GSE1: variants seen among roughly 807,000 people sequenced by gnomAD.
GSE1 encodes genetic suppressor element 1.
A neutral mutation model predicts 112.6 loss-of-function variants in GSE1; 32 were observed. The ratio of observed to expected loss-of-function variants is 0.28; its 90% CI spans 0.21 to 0.38. The LOEUF (loss-of-function observed/expected upper bound fraction) is 0.38, where lower values mean the gene tolerates loss of function less well. Ranked by LOEUF, GSE1 falls within the 10% of genes least tolerant of loss-of-function variation. GSE1 has a pLI of 1.00. For missense variants in GSE1, 2,348 were observed against 1,699.2 expected (o/e 1.38, Z -6.71); for synonymous variants, 1,115 against 735.6 (o/e 1.52, Z -8.35).
At chr16:85,397,184 C>G (rs1406661662) in intron 2 of GSE1, among the ~76,000 whole-genome samples, 1 of 152,334 alleles carries the variant, frequency 6.6e-6, no homozygotes, top group Non-Finnish European at 1.5e-5. Flanking sequence ...GGCAGGGGCT[C>G]AGATGCCTCC....
At chr16:85,657,632 G>C in intron 8 of GSE1, 28 bp downstream of exon 8, 18 of 1,442,850 alleles carry the variant, frequency 1.2e-5, no homozygotes, top group Non-Finnish European at 1.6e-5. Flanking sequence ...AGGAAGGAGG[G>C]ATGAGCCTTC....
intron 1 of GSE1, among the ~76,000 whole-genome samples, chr16:85,305,366 C>T (rs1363937810): frequency 6.6e-6 from 1 of 152,214 alleles, no homozygotes; most frequent in Non-Finnish European, 1.5e-5. Flanking sequence ...CTCCCTGCAG[C>T]CTCGAACTCC....
intron 1 of GSE1, among the ~76,000 whole-genome samples, chr16:85,251,521 C>T (rs914506144): frequency 6.6e-6 from 1 of 152,278 alleles, no homozygotes; most frequent in South Asian, 2.1e-4. Flanking sequence ...GGCCGGGGCT[C>T]GAACCCTGCT....
intron 2 of GSE1, among the ~76,000 whole-genome samples, chr16:85,533,853 A>T (rs1233283712): frequency 6.6e-6 from 1 of 152,152 alleles, no homozygotes; most frequent in Admixed American, 6.5e-5. Context: ...CAACAGAGGG[A>T]GACCCTGTCT....
rs560509911 is a variant in GSE1 at position 85,655,785 on chromosome 16, C to T, written c.857C>T (p.Pro286Leu). 1.2e-6 allele frequency: 2 copies of T among 1,610,308 alleles called. No homozygotes were observed. Among genetic ancestry groups the T allele is most frequent in the Non-Finnish European group, 8.5e-7 (1 of 1,178,100 alleles). Residue 286 changes from proline (P) to leucine (L), a missense_variant, in exon 6 of 16, where the codon CCC (proline) becomes CTC (leucine). Pro to Leu is a moderately conservative substitution (Grantham distance 98, BLOSUM62 -3). Transcript: ENST00000253458. ...LRSPFYPIPT[P>L]GSLPPLHPSA... ...TCCCCGTTCTACCCCATCCCCACCCCCGGCTCCCTGCCCCCACTGCACCCA... is the reference window on the plus strand; with the variant it reads ...TCCCCGTTCTACCCCATCCCCACCCTCGGCTCCCTGCCCCCACTGCACCCA...
At chr16:85,511,989 T>C (rs2051762345) in intron 2 of GSE1, among the ~76,000 whole-genome samples, 1 of 152,220 alleles carries the variant, frequency 6.6e-6, no homozygotes. Flanking sequence ...CCTCTCCCAC[T>C]GCTCTGTAGT....
chr16:85,637,737 C>T (rs1431585197), intron 2 of GSE1, among the ~76,000 whole-genome samples: 3 of 151,130 alleles, frequency 2.0e-5, no homozygotes, highest in East Asian at 1.9e-4. Flanking sequence ...CAGGTGTAGC[C>T]TCCTCCCTGC....
intron 2 of GSE1, among the ~76,000 whole-genome samples, chr16:85,488,493 C>T (rs138180086): frequency 6.6e-6 from 1 of 152,140 alleles, no homozygotes; most frequent in East Asian, 1.9e-4. Flanking sequence ...GCTTATTCCT[C>T]TCTCAGCAGG....
intron 1 of GSE1, among the ~76,000 whole-genome samples, chr16:85,567,503 C>T (rs2045809410): frequency 6.6e-6 from 1 of 152,180 alleles, no homozygotes; most frequent in Non-Finnish European, 1.5e-5. Context: ...CCGGGGCTCT[C>T]AACGCTGGGA....
In GSE1 at chr16:85,661,278, G is replaced by A. The variant is rs1043183415; in HGVS notation, c.1773G>A (p.Met591Ile). The change falls in exon 9 of 16, where the codon ATG becomes ATA. Residue 591 changes from methionine to isoleucine, a missense_variant. Transcript: ENST00000253458. Reference sequence around the variant, plus strand: ...CCCTCTGGAACCCCGTGTCCCTGATGGACAACACCTTGGAGACGCGGCGGG... The same window carrying A: ...CCCTCTGGAACCCCGTGTCCCTGATAGACAACACCTTGGAGACGCGGCGGG... ...PTALWNPVSL[M>I]DNTLETRRAE... 6.2e-7 allele frequency: 1 copy of A among 1,612,844 alleles called. No individual in the cohort carries two copies. Among genetic ancestry groups the A allele is most frequent in the Non-Finnish European group, 8.5e-7 (1 of 1,180,000 alleles).
chr16:85,553,684 G>C (rs1472959432), upstream of GSE1, among the ~76,000 whole-genome samples: 1 of 152,112 alleles, frequency 6.6e-6, no homozygotes, highest in Non-Finnish European at 1.5e-5. Flanking sequence ...CCCTCCCTTG[G>C]CTCCGAGCGC....
At chr16:85,581,162 C>T (rs1276920179) in intron 1 of GSE1, among the ~76,000 whole-genome samples, 1 of 152,162 alleles carries the variant, frequency 6.6e-6, no homozygotes, top group Non-Finnish European at 1.5e-5. Context: ...CACATGGGCT[C>T]CTCTCTCCGC....
At chr16:85,560,965 C>CA (rs1386560341) in intron 1 of GSE1, among the ~76,000 whole-genome samples, 1 of 152,000 alleles carries the variant, frequency 6.6e-6, no homozygotes, top group Non-Finnish European at 1.5e-5. Flanking sequence ...CCCCTCTCTA[C>CA]AAAAAATGCA....
chr16:85,613,266 C>G, upstream of GSE1: 1 of 1,532,986 alleles, frequency 6.5e-7, no homozygotes, highest in East Asian at 2.6e-5. Context: ...CCCGGAAGCT[C>G]CACCTCCCCA....
chr16:85,639,255 C>T (rs542419503), intron 2 of GSE1, among the ~76,000 whole-genome samples: 18 of 152,354 alleles, frequency 1.2e-4, no homozygotes, highest in Admixed American at 2.6e-4. Flanking sequence ...AGCCCAGACT[C>T]CTCGGGTGGC....
At chr16:85,255,968 G>T (rs977460084) in intron 1 of GSE1, among the ~76,000 whole-genome samples, 1 of 152,158 alleles carries the variant, frequency 6.6e-6, no homozygotes, top group South Asian at 2.1e-4. Context: ...GAATACAGGC[G>T]TGAGCCACCA....
chr16:85,234,833 A>T (rs1441556721), intron 1 of GSE1, among the ~76,000 whole-genome samples: 1 of 152,090 alleles, frequency 6.6e-6, no homozygotes, highest in Non-Finnish European at 1.5e-5. Context: ...CGCGGCCGCC[A>T]GCGAATACGG....
chr16:85,362,543 C>CTACTACTACTACCATGCCA (rs2047103304), intron 2 of GSE1, among the ~76,000 whole-genome samples: 1 of 152,238 alleles, frequency 6.6e-6, no homozygotes, highest in Non-Finnish European at 1.5e-5. Flanking sequence ...CTCAGCTGCT[C>CTACTACTACTACCATGCCA]TGACTACTGA....
At chr16:85,642,127 A>G (rs1203311280) in intron 2 of GSE1, among the ~76,000 whole-genome samples, 1 of 152,148 alleles carries the variant, frequency 6.6e-6, no homozygotes, top group African/African-American at 2.4e-5. Context: ...TCTCCTGCTG[A>G]GTGGACTCTG....
Sources: allele counts gnomAD v4.1 joint callset (sites outside exome capture counted in the v4.1 genomes callset), GRCh38; gene constraint gnomAD v4.1.1; transcripts MANE v1.5; gene names NCBI Gene and HGNC (gene_info 2026-07-23, HGNC 2026-07-21).